CDC14A: variants seen among roughly 807,000 people sequenced by gnomAD.
CDC14A encodes cell division cycle 14A.
Under a neutral mutation model 74.4 loss-of-function variants are expected in CDC14A, and 53 were observed. The ratio of observed to expected loss-of-function variants is 0.71; its 90% confidence interval spans 0.57 to 0.89. The LOEUF (loss-of-function observed/expected upper bound fraction) is 0.89, where lower values mean the gene tolerates loss of function less well. Ranked by LOEUF, CDC14A falls within the 40% of genes least tolerant of loss-of-function variation. The pLI is 0.00. For missense variants in CDC14A, 646 were observed against 713.7 expected (o/e 0.91, Z 1.08); for synonymous variants, 247 against 258.4 (o/e 0.96, Z 0.43).
intron 11 of CDC14A, among the ~76,000 whole-genome samples, chr1:100,490,632 G>A (rs990155771): frequency 6.6e-6 from 1 of 151,932 alleles, no homozygotes; most frequent in South Asian, 2.1e-4. Context: ...TCCCTCCCCC[G>A]AGTCTTGACC....
intron 7 of CDC14A, among the ~76,000 whole-genome samples, chr1:100,447,500 CA>C (rs1665692167): frequency 1.3e-5 from 2 of 152,164 alleles, no homozygotes; most frequent in Non-Finnish European, 2.9e-5. Flanking sequence ...GAATCAGTGT[CA>C]AAACATTTGT....
chr1:100,411,174 G>A (rs1013893705), intron 4 of CDC14A, among the ~76,000 whole-genome samples: 6 of 152,134 alleles, frequency 3.9e-5, no homozygotes, highest in African/African-American at 9.7e-5. Context: ...AGGCCCAAGA[G>A]CCTCCTATAT....
chr1:100,457,987 G>A (rs1571240431), intron 8 of CDC14A, among the ~76,000 whole-genome samples: 2 of 152,170 alleles, frequency 1.3e-5, no homozygotes, highest in East Asian at 3.9e-4. Flanking sequence ...TGTATAATAA[G>A]TTATAAGTGT....
chr1:100,393,514 T>G (rs1209292301), intron 4 of CDC14A: 1 of 763,656 alleles, frequency 1.3e-6, no homozygotes, highest in Non-Finnish European at 2.5e-6. Flanking sequence ...TTTCTCATCA[T>G]GTCAGTTTCA....
intron 2 of CDC14A, among the ~76,000 whole-genome samples, chr1:100,367,224 C>T (rs1320008848): frequency 6.6e-6 from 1 of 152,222 alleles, no homozygotes; most frequent in African/African-American, 2.4e-5. Flanking sequence ...TCTCCTCTTC[C>T]ACCCTGCTTT....
chr1:100,348,003 G>T (rs142476823), upstream of CDC14A, among the ~76,000 whole-genome samples: 886 of 152,090 alleles, frequency 5.8e-3, 9 homozygotes, highest in African/African-American at 0.021. Context: ...AATATTTTCC[G>T]CCAGGTGCAG....
upstream of CDC14A, chr1:100,352,326 C>A: frequency 2.8e-6 from 1 of 361,144 alleles, no homozygotes; most frequent in Non-Finnish European, 3.9e-6. Context: ...ACCCGCGGGG[C>A]GCCTGGTAAC....
At chr1:100,384,492 T>G (rs1044195314) in intron 3 of CDC14A, among the ~76,000 whole-genome samples, 3 of 152,252 alleles carry the variant, frequency 2.0e-5, no homozygotes, top group Admixed American at 2.0e-4. Flanking sequence ...TAATAAGCCT[T>G]GGCCAATATT....
At chr1:100,358,239 C>T (rs1206775270) in intron 2 of CDC14A, among the ~76,000 whole-genome samples, 2 of 152,178 alleles carry the variant, frequency 1.3e-5, no homozygotes, top group Admixed American at 6.5e-5. Flanking sequence ...ACACACCACT[C>T]CCTGGAAAGG....
At chr1:100,455,793 T>C (rs1666623813) in intron 8 of CDC14A, among the ~76,000 whole-genome samples, 1 of 152,220 alleles carries the variant, frequency 6.6e-6, no homozygotes, top group African/African-American at 2.4e-5. Flanking sequence ...CATAAGCAGA[T>C]TGCTGTATTC....
chr1:100,390,787 A>G lies in CDC14A; in HGVS notation c.272A>G (p.Lys91Arg). 1.9e-6 allele frequency: 3 copies of G among 1,613,374 alleles called. No individual in the cohort carries two copies. Among genetic ancestry groups the G allele is most frequent in the Non-Finnish European group, 2.5e-6 (3 of 1,179,552 alleles). The change falls in exon 4 of 16, where the codon AAA (lysine) becomes AGA (arginine). Residue 91 changes from lysine to arginine, a missense_variant. Physicochemically the swap from Lys to Arg is conservative, Grantham distance 26 (BLOSUM62 2). Transcript: ENST00000336454. ...IVHYTCFDQR[K>R]RANAAFLIGA... ...CACTACACCTGTTTTGACCAACGGA[A>G]AAGAGCAAATGCAGCATTTTTGATA...
chr1:100,431,171 A>G (rs543017908), intron 5 of CDC14A, among the ~76,000 whole-genome samples: 4 of 152,356 alleles, frequency 2.6e-5, no homozygotes, highest in South Asian at 2.1e-4. Flanking sequence ...GAGAAGAGAA[A>G]CAAGTGTAAG....
At chr1:100,491,572 ATTTTTT>A (rs59429516) in intron 11 of CDC14A, among the ~76,000 whole-genome samples, 7 of 25,098 alleles carry the variant, frequency 2.8e-4, no homozygotes, top group South Asian at 1.7e-3. Context: ...ATATATATAT[ATTTTTT>A]TTTTTTTTTT....
chr1:100,456,193 T>G (rs1666663397), intron 8 of CDC14A, among the ~76,000 whole-genome samples: 1 of 152,236 alleles, frequency 6.6e-6, no homozygotes, highest in African/African-American at 2.4e-5. Flanking sequence ...TGCAGCATAA[T>G]TTATTGCCAT....
At chr1:100,437,033 A>G (rs992102916) in intron 5 of CDC14A, among the ~76,000 whole-genome samples, 2 of 152,140 alleles carry the variant, frequency 1.3e-5, no homozygotes, top group African/African-American at 4.8e-5. Context: ...GAAAAATATA[A>G]AAACTAGCTG....
intron 3 of CDC14A, among the ~76,000 whole-genome samples, chr1:100,378,966 G>C (rs559097199): frequency 6.6e-6 from 1 of 152,124 alleles, no homozygotes; most frequent in Non-Finnish European, 1.5e-5. Flanking sequence ...TAATGGCTGA[G>C]TAAACAAGAA....
chr1:100,484,890 G>T, intron 11 of CDC14A: 1 of 979,960 alleles, frequency 1.0e-6, no homozygotes, highest in Non-Finnish European at 1.2e-6. Flanking sequence ...AAAAAATTAA[G>T]GCTCTACTGT....
At chr1:100,484,876 T>TA (rs1020397159) in intron 11 of CDC14A, 160 of 972,880 alleles carry the variant, frequency 1.6e-4, no homozygotes, top group Middle Eastern at 1.6e-3. Context: ...GGCACTTTTT[T>TA]AAAAAAAAAT....
At chr1:100,345,726 A>G (rs1271794400) in intron 1 of CDC14A, among the ~76,000 whole-genome samples, 1 of 152,240 alleles carries the variant, frequency 6.6e-6, no homozygotes, top group Non-Finnish European at 1.5e-5. Context: ...ATAATAATAT[A>G]CCTACCTGAT....
Sources: allele counts gnomAD v4.1 joint callset (sites outside exome capture counted in the v4.1 genomes callset), GRCh38; gene constraint gnomAD v4.1.1; transcripts MANE v1.5; gene names NCBI Gene and HGNC (gene_info 2026-07-23, HGNC 2026-07-21).